Variants in KNG1 observed in about 807,000 individuals in gnomAD.
The protein encoded by KNG1 is kininogen-1.
A neutral mutation model predicts 47.8 loss-of-function variants in KNG1; 23 were observed. The observed-to-expected ratio is 0.48, with a 90% confidence interval of 0.35 to 0.68. The LOEUF is 0.68. Ranked by LOEUF, KNG1 falls within the 30% of genes least tolerant of loss-of-function variation. The pLI, the probability that KNG1 is intolerant of heterozygous loss-of-function variation, is 0.01. For missense variants in KNG1, 762 were observed against 790.2 expected, an observed-to-expected ratio of 0.96 and a Z score of 0.43; for synonymous variants, 277 against 277.0, an observed-to-expected ratio of 1.00 and a Z score of 0.00.
intron 9 of KNG1, among the ~76,000 whole-genome samples, chr3:186,740,826 CAGT>C (rs1204108920): frequency 6.6e-6 from 1 of 152,124 alleles, no homozygotes; most frequent in Non-Finnish European, 1.5e-5. Flanking sequence ...GTGGTAATAA[CAGT>C]AGTATCAATA....
At chr3:186,741,500 C>A in intron 9 of KNG1, 22 bp from the exon 10 acceptor site, 2 of 1,599,600 alleles carry the variant, frequency 1.3e-6, no homozygotes, top group Non-Finnish European at 1.7e-6. Context: ...GTAATACATT[C>A]ATCTTAATAT....
intron 5 of KNG1, among the ~76,000 whole-genome samples, chr3:186,730,697 T>TACACACACACACAC (rs1560065963): frequency 3.7e-4 from 6 of 16,122 alleles, no homozygotes; most frequent in South Asian, 4.9e-3. Context: ...TATATATATA[T>TACACACACACACAC]ATATATATAT....
intron 7 of KNG1, among the ~76,000 whole-genome samples, chr3:186,733,174 A>T (rs1348330427): frequency 6.6e-6 from 1 of 152,138 alleles, no homozygotes; most frequent in Non-Finnish European, 1.5e-5. Flanking sequence ...TGAACCTGGG[A>T]GGCAGAGGTT....
rs1560066532 is a variant in KNG1, at chr3:186,731,645, T to C, written c.757+16T>C. ...ATTTATCCAGGTAAGGAATAACACA[T>C]GTTGGCACCGCAATAGAGGAATAGT... On this transcript the variant is annotated intron_variant, in intron 6 of 9. Transcript: ENST00000644859. The C allele has an allele frequency of 6.7e-7, 1 of 1,496,138 alleles. No individual in the cohort carries two copies. The highest frequency in any genetic ancestry group is 9.3e-7 in the Non-Finnish European group (1 of 1,072,464). The allele number at this position is 1,496,138 out of a possible 1,614,324, so 92.7% of individuals were successfully genotyped here. A position where few individuals can be genotyped will look rare whatever the true frequency, so the allele number is the denominator to read the frequency against.
At chr3:186,731,179 A>G (rs1486536536) in intron 5 of KNG1, among the ~76,000 whole-genome samples, 1 of 152,032 alleles carries the variant, frequency 6.6e-6, no homozygotes, top group Non-Finnish European at 1.5e-5. Flanking sequence ...GTTATTTTTA[A>G]GCTTTATACA....
At chr3:186,725,942 A>T (rs1720357392) in intron 4 of KNG1, among the ~76,000 whole-genome samples, 3 of 142,200 alleles carry the variant, frequency 2.1e-5, no homozygotes, top group Admixed American at 7.1e-5. Context: ...TATATCCGTA[A>T]TTTTTTTTTT....
chr3:186,718,798 T>C (rs1220427524), intron 1 of KNG1, among the ~76,000 whole-genome samples: 2 of 152,238 alleles, frequency 1.3e-5, no homozygotes, highest in Admixed American at 6.5e-5. Flanking sequence ...GACAGAAGTC[T>C]GTATGGCTGA....
chr3:186,734,345 TA>T (rs1466754926), intron 7 of KNG1, among the ~76,000 whole-genome samples: 3 of 152,182 alleles, frequency 2.0e-5, no homozygotes, highest in African/African-American at 7.2e-5. Flanking sequence ...AGCAGCAACT[TA>T]AAAGCATCTT....
chr3:186,722,117 CAAAAAAAAA>C (rs56170982), intron 2 of KNG1: 440 of 142,730 alleles, frequency 3.1e-3, no homozygotes, highest in South Asian at 9.8e-3. Context: ...CACTCTGTCT[CAAAAAAAAA>C]AAAAAAAAAA....
At chr3:186,730,527 A>G (rs1453365268) in intron 5 of KNG1, among the ~76,000 whole-genome samples, 1 of 151,316 alleles carries the variant, frequency 6.6e-6, no homozygotes, top group Non-Finnish European at 1.5e-5. Flanking sequence ...GTGGTGGCAG[A>G]CGCCTGTAAT....
chr3:186,728,949 G>C (rs929398259), intron 5 of KNG1: 1 of 152,080 alleles, frequency 6.6e-6, no homozygotes, highest in Non-Finnish European at 1.5e-5. Context: ...CACTGCATCC[G>C]GCCGCTTTTT....
Position 186,742,730 on chromosome 3 carries a change from G to A in KNG1, c.*399G>A. 9.6e-7 allele frequency: 1 copy of A among 1,036,678 alleles called. No homozygotes were observed. The highest frequency in any genetic ancestry group is 1.2e-6 in the Non-Finnish European group (1 of 861,904). 64.2% of individuals were successfully genotyped at this position (1,036,678 alleles called of 1,614,324 possible). On this transcript the variant is annotated 3_prime_UTR_variant, in exon 10 of 10. Coordinates refer to ENST00000644859, the MANE Select transcript of KNG1 (RefSeq NM_001102416.3). Reference sequence around the variant, plus strand: ...GTATTTGAATGTGTGTGAAAATAAGGGAAGTCAAGAGATTAAATGCTGAAC... The same window carrying A: ...GTATTTGAATGTGTGTGAAAATAAGAGAAGTCAAGAGATTAAATGCTGAAC...
In KNG1 at chr3:186,722,587, A is replaced by G. The variant is rs545611696; in HGVS notation, c.391+66A>G. The stretch of plus-strand genomic sequence containing the variant: ...AACCATTTCTGTGAGCCAGGAACAC[A>G]ATCTTGACCAGGCTCTGCTTGCTCC... On this transcript the variant is annotated intron_variant, in intron 3 of 9. Transcript: ENST00000644859. The G allele has an allele frequency of 9.6e-6, 12 of 1,248,572 alleles. No individual in the cohort carries two copies. In the Admixed American group the frequency reaches 2.3e-4, roughly 23 times the overall value. The allele number at this position is 1,248,572 out of a possible 1,614,324, so 77.3% of individuals were successfully genotyped here. A position where few individuals can be genotyped will look rare whatever the true frequency, so the allele number is the denominator to read the frequency against.
chr3:186,741,660 G>A lies in KNG1; in HGVS notation c.1264G>A (p.Glu422Lys). The A allele has an allele frequency of 6.2e-7, 1 of 1,614,210 alleles. No homozygotes were observed. The highest frequency in any genetic ancestry group is 8.5e-7 in the Non-Finnish European group (1 of 1,180,048). ...AGATGAAGAGCGGGATTCAGGAAAA[G>A]AACAAGGGCATACTCGTAGACATGA... Reference protein sequence around the residue: ...AQDEERDSGKEQGHTRRHDWG... With the variant: ...AQDEERDSGKKQGHTRRHDWG... The change falls in exon 10 of 10, where the codon GAA becomes AAA. Residue 422 changes from glutamate (E) to lysine (K), a missense_variant. Physicochemically the swap from Glu to Lys is moderately conservative, Grantham distance 56. Transcript: ENST00000644859.
chr3:186,722,861 G>T (rs1720246235), intron 3 of KNG1, among the ~76,000 whole-genome samples: 1 of 152,160 alleles, frequency 6.6e-6, no homozygotes, highest in Admixed American at 6.5e-5. Context: ...ACCTGGCCTG[G>T]AATCTTTCAG....
intron 5 of KNG1, among the ~76,000 whole-genome samples, chr3:186,730,655 C>CAAAAAAAAAAAAAAAA (rs869232105): frequency 1.2e-5 from 1 of 80,120 alleles, no homozygotes; most frequent in African/African-American, 5.0e-5. Flanking sequence ...GACTCCATCA[C>CAAAAAAAAAAAAAAAA]AAAAAAAAAA....
chr3:186,722,010 G>A (rs1560061432), intron 2 of KNG1: 1 of 174,734 alleles, frequency 5.7e-6, no homozygotes, highest in Non-Finnish European at 1.2e-5. Flanking sequence ...AGCTACTTGG[G>A]AGGCTGAGGC....
chr3:186,717,740 G>A lies in KNG1; in HGVS notation c.195+3G>A. On this transcript the variant is annotated splice_donor_region_variant and intron_variant, in intron 1 of 9. Transcript: ENST00000644859. Reference sequence around the variant, plus strand: ...GCATAACTGAAGCCACTAAGACGGTGAGTGAATTGTGTTTAACCTTGAAGT... The same window carrying A: ...GCATAACTGAAGCCACTAAGACGGTAAGTGAATTGTGTTTAACCTTGAAGT... 6.2e-7 allele frequency: 1 copy of A among 1,609,946 alleles called. No homozygotes were observed. The highest frequency in any genetic ancestry group is 8.5e-7 in the Non-Finnish European group (1 of 1,177,334).
intron 9 of KNG1, among the ~76,000 whole-genome samples, chr3:186,740,146 C>T (rs1261213285): frequency 6.6e-6 from 1 of 151,904 alleles, no homozygotes; most frequent in Non-Finnish European, 1.5e-5. Flanking sequence ...ATGCATGAAT[C>T]AAGTTTGAAA....
Sources: gnomAD v4.1 joint callset for allele counts (sites outside exome capture counted in the v4.1 genomes callset) on GRCh38, gnomAD v4.1.1 for gene constraint, MANE v1.5 for transcripts, NCBI Gene and HGNC (gene_info 2026-07-23, HGNC 2026-07-21) for gene names.